CRLF2: variants seen among roughly 807,000 people sequenced by gnomAD.
CRLF2 encodes the protein cytokine receptor-like factor 2.
CRLF2 carries 41 observed loss-of-function variants against 38.7 expected under a neutral mutation model. That is an observed-to-expected ratio of 1.06 (90% CI 0.83 to 1.37). The LOEUF (loss-of-function observed/expected upper bound fraction) is 1.37, where lower values mean the gene tolerates loss of function less well. CRLF2 is among the 40% of genes most tolerant of loss of function. The pLI is 0.00. For missense variants in CRLF2, 377 were observed against 322.2 expected (o/e 1.17, Z -1.30); for synonymous variants, 140 against 128.8 (o/e 1.09, Z -0.59).
At chrX:1,195,301 A>C (rs1350654467) in intron 6 of CRLF2, among the ~76,000 whole-genome samples, 1 of 152,168 alleles carries the variant, frequency 6.6e-6, no homozygotes, top group African/African-American at 2.4e-5. Flanking sequence ...TAGAACTCTC[A>C]CTGGATTCAA....
intron 7 of CRLF2, among the ~76,000 whole-genome samples, chrX:1,191,635 G>A (rs1441693155): frequency 1.3e-5 from 2 of 151,382 alleles, no homozygotes; most frequent in Non-Finnish European, 2.9e-5. Context: ...CGGTTCAAGC[G>A]ATTCTCCTGC....
intron 1 of CRLF2, 105 bp downstream of exon 1, chrX:1,212,449 AAG>A (rs2086822184): frequency 1.4e-6 from 1 of 709,746 alleles, no homozygotes; most frequent in Non-Finnish European, 2.3e-6. Context: ...GAAAAGAAGA[AAG>A]AAACCTCCAT....
Position 1,202,453 on chromosome X carries a change from C to T in CRLF2, c.432G>A (p.Gly144=), listed in dbSNP as rs374238656. The T allele has an allele frequency of 5.6e-6, 9 of 1,613,674 alleles. No individual in the cohort carries two copies. The highest frequency in any genetic ancestry group is 3.4e-6 in the Non-Finnish European group (4 of 1,179,656). Residue 144 remains glycine (G), a synonymous_variant, in exon 4 of 8, where the codon GGG becomes GGA. Coordinates refer to ENST00000400841, the MANE Select transcript of CRLF2 (RefSeq NM_022148.4). ...VTVTCSDLSY[G]DLLYEVQYRS... The stretch of plus-strand genomic sequence containing the variant: ...GGTACTGAACCTCATAGAGGAGATC[C>T]CCGTAGGACAGGTCAGAACACGTCA...
intron 1 of CRLF2, among the ~76,000 whole-genome samples, chrX:1,211,190 T>C (rs1180864703): frequency 6.6e-6 from 1 of 150,954 alleles, no homozygotes; most frequent in African/African-American, 2.4e-5. Context: ...GATGGATGGA[T>C]GGATGGATGC....
chrX:1,196,693 T>C lies in CRLF2; in HGVS notation c.767+87A>G. On this transcript the variant is annotated intron_variant, in intron 6 of 7. Transcript: ENST00000400841. The stretch of plus-strand genomic sequence containing the variant: ...GGAAACTGAGGCCCAGGGAAATGAC[T>C]CTATCAGGCGATTAATCTTTTTTCG... 2.6e-6 allele frequency: 4 copies of C among 1,512,918 alleles called. No individual in the cohort carries two copies. The South Asian group carries it at 5.0e-5, about 19-fold the overall frequency. The allele number at this position is 1,512,918 out of a possible 1,614,324, so 93.7% of individuals were successfully genotyped here.
chrX:1,210,158 C>G (rs1420420191), intron 1 of CRLF2, among the ~76,000 whole-genome samples: 3 of 139,422 alleles, frequency 2.2e-5, no homozygotes, highest in African/African-American at 8.0e-5. Flanking sequence ...AATGGGCCAA[C>G]CGTAAAGAAG....
At chrX:1,192,212 A>AAAC (rs1431373286) in intron 7 of CRLF2, among the ~76,000 whole-genome samples, 5 of 137,590 alleles carry the variant, frequency 3.6e-5, no homozygotes, top group East Asian at 2.5e-4. Context: ...CTCAAAAAAA[A>AAAC]AAAAAAAACA....
chrX:1,191,679 G>C (rs1391938967), intron 7 of CRLF2, among the ~76,000 whole-genome samples: 17,492 of 151,228 alleles, frequency 0.12, 1,165 homozygotes, highest in African/African-American at 0.17. Flanking sequence ...TTACAGACGT[G>C]CACCACCACA....
chrX:1,212,416 CGG>C (rs2086819531), intron 1 of CRLF2, 138 bp downstream of exon 1: 2 of 563,580 alleles, frequency 3.5e-6, no homozygotes, highest in African/African-American at 6.0e-5. Context: ...TGCTTGAACC[CGG>C]AAAAAAAAAA....
At chrX:1,201,317 C>T (rs28863520) in intron 4 of CRLF2, among the ~76,000 whole-genome samples, 77,132 of 150,900 alleles carry the variant, frequency 0.51, 20,142 homozygotes, top group East Asian at 0.68. Context: ...TCTGTGTGTG[C>T]CTGTGTGCCT....
Position 1,192,497 on chromosome X carries a change from TC to T in CRLF2, c.852+720del, listed in dbSNP as rs2086402261. Among the ~76,000 whole-genome samples the T allele has an allele frequency of 2.6e-5, 4 of 151,810 alleles. No homozygotes were observed. The South Asian group carries it at 8.3e-4, about 31-fold the overall frequency. ...CAGGTGTGGTGGCGGGCGCCTGTCA[TC>T]CCAGCTACTCAGGAGGCTGAGGCAG... is the stretch of plus-strand genomic sequence containing the variant. On this transcript the variant is annotated intron_variant, in intron 7 of 7. Coordinates refer to ENST00000400841, the MANE Select transcript of CRLF2 (RefSeq NM_022148.4).
In CRLF2 at chrX:1,193,318, A is replaced by G; in HGVS notation, c.768-16T>C. 2.5e-6 allele frequency: 1 copy of G among 398,704 alleles called. No homozygotes were observed. Among genetic ancestry groups the G allele is most frequent in the Non-Finnish European group, 4.4e-6 (1 of 226,248 alleles). The allele number at this position is 398,704 out of a possible 1,614,324, so 24.7% of individuals were successfully genotyped here. ...CTTCTTCACTCTGAAATAGAGACGGAGAGCGTGGTCAGGTCGGCCACAGCC... is the reference window on the plus strand; with the variant it reads ...CTTCTTCACTCTGAAATAGAGACGGGGAGCGTGGTCAGGTCGGCCACAGCC... On this transcript the variant is annotated splice_polypyrimidine_tract_variant and intron_variant, in intron 6 of 7. Transcript: ENST00000400841.
chrX:1,199,428 C>T (rs1416566464), intron 4 of CRLF2, among the ~76,000 whole-genome samples: 1 of 152,052 alleles, frequency 6.6e-6, no homozygotes, highest in Non-Finnish European at 1.5e-5. Context: ...CCTCAGCCTC[C>T]CGAGTAGCTC....
chrX:1,193,430 C>A, intron 6 of CRLF2, 128 bp from the exon 7 acceptor site: 1 of 396,202 alleles, frequency 2.5e-6, no homozygotes, highest in Non-Finnish European at 4.5e-6. Context: ...TCCACATGGA[C>A]ACATGTGTCT....
chrX:1,207,916 GA>G (rs2086721726), intron 2 of CRLF2, among the ~76,000 whole-genome samples: 2 of 152,068 alleles, frequency 1.3e-5, no homozygotes, highest in East Asian at 1.9e-4. Context: ...TCCCAACGGT[GA>G]GTCTTATTTT....
chrX:1,211,053 G>T (rs760797263), intron 1 of CRLF2, among the ~76,000 whole-genome samples: 1 of 151,000 alleles, frequency 6.6e-6, no homozygotes, highest in East Asian at 2.0e-4. Context: ...GGTTTGATGG[G>T]TGGGTGGATG....
intron 6 of CRLF2, among the ~76,000 whole-genome samples, chrX:1,195,815 T>C (rs1255261275): frequency 1.6e-5 from 1 of 62,028 alleles, no homozygotes; most frequent in African/African-American, 5.3e-5. Context: ...ATATATTAAA[T>C]TATATATATT....
chrX:1,198,602 G>A lies in CRLF2; in HGVS notation c.606C>T (p.Asp202=), dbSNP rs751744628. ...TCTGCCAGCATGTCACCTCTGACCA[G>A]TCGCTTGGGTATGTGTCTGGCCCAT... The part of the protein sequence containing the change: ...DVYGPDTYPS[D]WSEVTCWQRG... Residue 202 remains aspartate, a synonymous_variant, in exon 5 of 8, where the codon GAC becomes GAT. Transcript: ENST00000400841. 6.2e-7 allele frequency: 1 copy of A among 1,613,722 alleles called. No homozygotes were observed. Among genetic ancestry groups the A allele is most frequent in the South Asian group, 1.1e-5 (1 of 91,074 alleles).
At chrX:1,192,191 C>T (rs1312233372) in intron 7 of CRLF2, among the ~76,000 whole-genome samples, 10 of 119,916 alleles carry the variant, frequency 8.3e-5, no homozygotes, top group Non-Finnish European at 1.5e-4. Flanking sequence ...GGCGACAGAG[C>T]GAGACTCCGT....
Sources: allele counts gnomAD v4.1 joint callset (sites outside exome capture counted in the v4.1 genomes callset), GRCh38; gene constraint gnomAD v4.1.1; transcripts MANE v1.5; gene names NCBI Gene and HGNC (gene_info 2026-07-23, HGNC 2026-07-21).